The following ZNF704 variants were observed in gnomAD, a reference collection of about 807,000 sequenced individuals.
ZNF704 encodes the protein zinc finger protein 704, also known as glucocorticoid induced gene 1.
A neutral mutation model predicts 44.7 loss-of-function variants in ZNF704; 10 were observed. The observed-to-expected ratio is 0.22, with a 90% confidence interval of 0.14 to 0.38. The LOEUF (loss-of-function observed/expected upper bound fraction) is 0.38, where lower values mean the gene tolerates loss of function less well. ZNF704 is among the 10% of genes least tolerant of loss of function. The pLI is 1.00. For missense variants in ZNF704, 390 were observed against 545.5 expected, an observed-to-expected ratio of 0.71 and a Z score of 2.84; for synonymous variants, 211 against 207.6, an observed-to-expected ratio of 1.02 and a Z score of -0.14.
At chr8:80,859,175 T>C (rs1481642880) in intron 1 of ZNF704, among the ~76,000 whole-genome samples, 1 of 152,224 alleles carries the variant, frequency 6.6e-6, no homozygotes, top group African/African-American at 2.4e-5. Context: ...TCTTGATAAA[T>C]TGACTCTTAG....
chr8:80,674,385 G>A (rs1447516797), intron 4 of ZNF704, among the ~76,000 whole-genome samples: 1 of 152,182 alleles, frequency 6.6e-6, no homozygotes, highest in African/African-American at 2.4e-5. Flanking sequence ...AAGAAAAGAG[G>A]TTTATTTAGG....
intron 2 of ZNF704, among the ~76,000 whole-genome samples, chr8:80,764,716 A>C (rs1431989997): frequency 6.6e-6 from 1 of 152,206 alleles, no homozygotes; most frequent in African/African-American, 2.4e-5. Context: ...ATTGTAATTA[A>C]GTGATTTTCT....
At chr8:80,794,795 T>C (rs775271621) in intron 2 of ZNF704, among the ~76,000 whole-genome samples, 28 of 152,212 alleles carry the variant, frequency 1.8e-4, no homozygotes, top group Non-Finnish European at 3.1e-4. Context: ...ATGGTAAATG[T>C]GTAAAATGAC....
intron 6 of ZNF704, among the ~76,000 whole-genome samples, chr8:80,662,720 A>C (rs1262000656): frequency 6.6e-6 from 1 of 152,238 alleles, no homozygotes; most frequent in African/African-American, 2.4e-5. Context: ...ATACATAGTA[A>C]GAGCCATAAA....
intron 2 of ZNF704, among the ~76,000 whole-genome samples, chr8:80,803,665 C>T (rs1554583186): frequency 6.6e-6 from 1 of 152,136 alleles, no homozygotes; most frequent in Non-Finnish European, 1.5e-5. Flanking sequence ...CTTCCTTACA[C>T]CATATACAAA....
At chr8:80,668,800 C>T (rs1344543007) in intron 5 of ZNF704, among the ~76,000 whole-genome samples, 1 of 152,148 alleles carries the variant, frequency 6.6e-6, no homozygotes, top group African/African-American at 2.4e-5. Flanking sequence ...ATTAAAAATG[C>T]CCCATCATCC....
chr8:80,686,506 T>C (rs924689334), intron 4 of ZNF704, among the ~76,000 whole-genome samples: 4 of 152,142 alleles, frequency 2.6e-5, no homozygotes, highest in African/African-American at 7.2e-5. Context: ...CTCAGCCTCC[T>C]GAGTAGATGA....
At chr8:80,745,193 AT>A (rs1293471292) in intron 2 of ZNF704, among the ~76,000 whole-genome samples, 1 of 152,212 alleles carries the variant, frequency 6.6e-6, no homozygotes, top group African/African-American at 2.4e-5. Context: ...AACATTTCAA[AT>A]TTCCAAATTC....
chr8:80,650,251 C>T (rs143522311), intron 7 of ZNF704, among the ~76,000 whole-genome samples: 15,364 of 152,216 alleles, frequency 0.1, 1,010 homozygotes, highest in South Asian at 0.3. Flanking sequence ...AAAATCAGAG[C>T]GCCTCTCCTC....
In ZNF704 at chr8:80,639,768, A is replaced by G. The variant is rs1817714904; in HGVS notation, c.*1598T>C. 1 of 152,654 alleles carries G rather than the reference A, an allele frequency of 6.6e-6. No individual in the cohort carries two copies. The highest frequency in any genetic ancestry group is 1.5e-5 in the Non-Finnish European group (1 of 68,050). 9.5% of individuals were successfully genotyped at this position (152,654 alleles called of 1,614,324 possible). A position where few individuals can be genotyped will look rare whatever the true frequency, so the allele number is the denominator to read the frequency against. The stretch of plus-strand genomic sequence containing the variant: ...GATGTCTTCTTTTTACGCTTAAAAA[A>G]GTGTATGTATAATCTCTAGACATAT... On this transcript the variant is annotated 3_prime_UTR_variant, in exon 9 of 9. Coordinates refer to ENST00000327835, the MANE Select transcript of ZNF704 (RefSeq NM_001033723.3).
In ZNF704 at chr8:80,874,314, TGCCGCCTCC is replaced by T. The variant is rs1423973961; in HGVS notation, c.-22+248_-22+256del. 3.5e-5 allele frequency among the ~76,000 whole-genome samples: 5 copies of T among 143,484 alleles called. No individual in the cohort carries two copies. Among genetic ancestry groups the T allele is most frequent in the African/African-American group, 5.0e-5 (2 of 39,970 alleles). The allele number at this position is 143,484 out of a possible 152,430, so 94.1% of individuals were successfully genotyped here. On this transcript the variant is annotated intron_variant, in intron 1 of 8. Coordinates refer to ENST00000327835, the MANE Select transcript of ZNF704 (RefSeq NM_001033723.3). The surrounding 1 kb of genome is among the most constrained non-coding windows in gnomAD (Gnocchi z 4.4). ...GGGTGGGTGTGAGCGAGCGGCGCGCTGCCGCCTCCGCCGCCGCCGCCGCCGCCCGGGAGC... is the reference window on the plus strand; with the variant it reads ...GGGTGGGTGTGAGCGAGCGGCGCGCTGCCGCCGCCGCCGCCGCCCGGGAGC...
At chr8:80,882,415 C>A in the ZNF704 span, among the ~76,000 whole-genome samples, 1 of 152,196 alleles carries the variant, frequency 6.6e-6, no homozygotes, top group Non-Finnish European at 1.5e-5. Flanking sequence ...ACTTCCCCTT[C>A]TGCACATTAT....
chr8:80,833,067 G>A (rs1004247825), intron 1 of ZNF704, among the ~76,000 whole-genome samples: 2 of 152,138 alleles, frequency 1.3e-5, no homozygotes, highest in African/African-American at 4.8e-5. Context: ...ATTACTGCTG[G>A]CCAGGCGCGG....
upstream of ZNF704, among the ~76,000 whole-genome samples, chr8:80,877,251 A>G (rs2130096751): frequency 6.6e-6 from 1 of 151,610 alleles, no homozygotes; most frequent in South Asian, 2.1e-4. Context: ...AATGAAGGCT[A>G]ATGTCAAAAA....
chr8:80,877,476 G>A (rs764106487), upstream of ZNF704, among the ~76,000 whole-genome samples: 75 of 152,354 alleles, frequency 4.9e-4, no homozygotes, highest in Admixed American at 2.4e-3. Context: ...GGGCTCAGAA[G>A]TCAAAAAGTA....
chr8:80,752,119 T>G (rs1806954219), intron 2 of ZNF704, among the ~76,000 whole-genome samples: 1 of 152,110 alleles, frequency 6.6e-6, no homozygotes, highest in Non-Finnish European at 1.5e-5. Context: ...CAGCACTGGG[T>G]TTTAGAACCA....
intron 1 of ZNF704, among the ~76,000 whole-genome samples, chr8:80,864,594 C>T (rs1281146958): frequency 2.0e-5 from 3 of 152,064 alleles, no homozygotes; most frequent in East Asian, 3.8e-4. Flanking sequence ...CCCTTTTCTC[C>T]GTGTCTAGAC....
At chr8:80,715,779 T>G (rs1332231405) in intron 2 of ZNF704, among the ~76,000 whole-genome samples, 2 of 152,122 alleles carry the variant, frequency 1.3e-5, no homozygotes, top group Non-Finnish European at 2.9e-5. Context: ...CAAAGTCAGA[T>G]TAAGAATTAT....
intron 2 of ZNF704, among the ~76,000 whole-genome samples, chr8:80,804,583 C>T (rs963917671): frequency 2.0e-5 from 3 of 152,104 alleles, no homozygotes; most frequent in African/African-American, 7.2e-5. Flanking sequence ...AACAGAAAAC[C>T]AGACACCACA....
Sources: allele counts gnomAD v4.1 joint callset (sites outside exome capture counted in the v4.1 genomes callset), GRCh38; gene constraint gnomAD v4.1.1; non-coding constraint Gnocchi (gnomAD v3.1); transcripts MANE v1.5; gene names NCBI Gene and HGNC (gene_info 2026-07-23, HGNC 2026-07-21).